ZNF263: variants seen among roughly 807,000 people sequenced by gnomAD.
The protein encoded by ZNF263 is zinc finger protein FPM315.
Under a neutral mutation model 63.1 loss-of-function variants are expected in ZNF263, and 49 were observed. The ratio of observed to expected loss-of-function variants is 0.78; its 90% CI spans 0.62 to 0.99. The LOEUF is 0.99. ZNF263 is among the 50% of genes least tolerant of loss of function. The probability of loss-of-function intolerance (pLI) is 0.00; values close to 1 mark genes in which losing one functional copy is unlikely to be tolerated. For synonymous variants in ZNF263, 352 were observed against 324.2 expected, an observed-to-expected ratio of 1.09 and a Z score of -0.92; for missense variants, 872 against 854.8, an observed-to-expected ratio of 1.02 and a Z score of -0.25.
intron 1 of ZNF263, among the ~76,000 whole-genome samples, chr16:3,297,280 C>T (rs1274907985): frequency 2.2e-5 from 3 of 133,882 alleles, no homozygotes; most frequent in Non-Finnish European, 3.1e-5. Flanking sequence ...GGTGATACAG[C>T]GAGACTCCAT....
chr16:3,291,013 G>A lies in ZNF263; in HGVS notation c.*455G>A, dbSNP rs924484059. 5 of 997,676 alleles carry A rather than the reference G, an allele frequency of 5.0e-6. No individual in the cohort carries two copies. In the African/African-American group the frequency reaches 7.0e-5, roughly 14 times the overall value. The allele number at this position is 997,676 out of a possible 1,614,324, so 61.8% of individuals were successfully genotyped here. ...GGCCAAGTACCCTGGGAAATCAGCT[G>A]AAGGTCAACAAAAGACTGGTTGTGA... On this transcript the variant is annotated 3_prime_UTR_variant, in exon 6 of 6. Transcript: ENST00000219069.
rs896835906 is a variant in ZNF263, at chr16:3,283,843, G to A, written c.25G>A (p.Glu9Lys). Residue 9 changes from glutamate to lysine, a missense_variant, in exon 1 of 6, where the codon GAA becomes AAA. By Grantham distance (56) the Glu-to-Lys change is moderately conservative. Transcript: ENST00000219069. Reference sequence around the variant, plus strand: ...GATGGCGTCGGGCCCGGGCTCCCAGGAACGGGAAGGGCTCCTGATAGTGAA... The same window carrying A: ...GATGGCGTCGGGCCCGGGCTCCCAGAAACGGGAAGGGCTCCTGATAGTGAA... MASGPGSQ[E>K]REGLLIVKLE... 3.2e-6 allele frequency: 5 copies of A among 1,584,080 alleles called. No homozygotes were observed. Among genetic ancestry groups the A allele is most frequent in the Non-Finnish European group, 4.3e-6 (5 of 1,166,968 alleles).
At chr16:3,292,027 C>A (rs1959625078), downstream of ZNF263, among the ~76,000 whole-genome samples, 1 of 152,118 alleles carries the variant, frequency 6.6e-6, no homozygotes, top group Admixed American at 6.5e-5. Context: ...CCCATCTTGG[C>A]CTCTCAAAGT....
Position 3,291,187 on chromosome 16 carries a change from G to A in ZNF263, c.*629G>A, listed in dbSNP as rs974704615. ...GACAAAAAGGAACCAGAGGCCCAAGGGCAATAATAAGGTGGAATTTGCAGG... is the reference window on the plus strand; with the variant it reads ...GACAAAAAGGAACCAGAGGCCCAAGAGCAATAATAAGGTGGAATTTGCAGG... On this transcript the variant is annotated 3_prime_UTR_variant, in exon 6 of 6. Transcript: ENST00000219069. 1.0e-5 allele frequency: 10 copies of A among 985,640 alleles called. No homozygotes were observed. Among genetic ancestry groups the A allele is most frequent in the Non-Finnish European group, 1.2e-5 (10 of 830,220 alleles). 61.1% of individuals were successfully genotyped at this position (985,640 alleles called of 1,614,324 possible). A position where few individuals can be genotyped will look rare whatever the true frequency, so the allele number is the denominator to read the frequency against.
chr16:3,289,320 C>T (rs1228594664), intron 5 of ZNF263, 73 bp from the exon 6 acceptor site: 18 of 1,463,586 alleles, frequency 1.2e-5, no homozygotes, highest in East Asian at 9.4e-5. Flanking sequence ...TAACAGGCAG[C>T]GGCAGACAGG....
At position 3,291,190 on chromosome 16, in the gene ZNF263, A is replaced by T; in HGVS notation, c.*632A>T. 1.0e-6 allele frequency: 1 copy of T among 985,768 alleles called. No individual in the cohort carries two copies. The highest frequency in any genetic ancestry group is 1.7e-5 in the African/African-American group (1 of 57,366). The allele number at this position is 985,768 out of a possible 1,614,324, so 61.1% of individuals were successfully genotyped here. ...AAAAAGGAACCAGAGGCCCAAGGGC[A>T]ATAATAAGGTGGAATTTGCAGGTCA... is the stretch of plus-strand genomic sequence containing the variant. On this transcript the variant is annotated 3_prime_UTR_variant, in exon 6 of 6. Coordinates refer to ENST00000219069, the MANE Select transcript of ZNF263 (RefSeq NM_005741.5).
At position 3,289,648 on chromosome 16, in the gene ZNF263, C is replaced by A. The variant is rs746994545; in HGVS notation, c.1142C>A (p.Pro381His). The change falls in exon 6 of 6, where the codon CCC (proline) becomes CAC (histidine). Residue 381 changes from proline to histidine, a missense_variant. Pro to His is a moderately conservative substitution (Grantham distance 77). Coordinates refer to ENST00000219069, the MANE Select transcript of ZNF263 (RefSeq NM_005741.5). ...ELQPKKLHLC[P>H]LCGKNFSNNS... ...CAGCCAAAGAAACTCCATTTATGTC[C>A]CTTGTGTGGCAAAAATTTCTCTAAC... The A allele has an allele frequency of 6.2e-7, 1 of 1,614,202 alleles. No individual in the cohort carries two copies. The highest frequency in any genetic ancestry group is 1.7e-5 in the Admixed American group (1 of 60,018).
chr16:3,286,165 C>G lies in ZNF263; in HGVS notation c.769+16C>G. On this transcript the variant is annotated intron_variant, in intron 4 of 5. Coordinates refer to ENST00000219069, the MANE Select transcript of ZNF263 (RefSeq NM_005741.5). ...GACTCACTGGGTAAGGACTTCTTTT[C>G]CAGGGATGATGACTGCGCCATTTCT... 1 of 1,579,208 alleles carries G rather than the reference C, an allele frequency of 6.3e-7. No homozygotes were observed. Among genetic ancestry groups the G allele is most frequent in the Non-Finnish European group, 8.6e-7 (1 of 1,168,234 alleles).
At chr16:3,293,575 A>C (rs188834176), downstream of ZNF263, among the ~76,000 whole-genome samples, 4 of 152,332 alleles carry the variant, frequency 2.6e-5, no homozygotes, top group East Asian at 7.7e-4. Flanking sequence ...GACAATAAGG[A>C]CCTCTAGCCT....
rs1336421528 is a variant in ZNF263 at position 3,285,719 on chromosome 16, G to A, written c.607G>A (p.Gly203Arg). 6.2e-7 allele frequency: 1 copy of A among 1,614,144 alleles called. No individual in the cohort carries two copies. Among genetic ancestry groups the A allele is most frequent in the Non-Finnish European group, 8.5e-7 (1 of 1,180,034 alleles). ...APWLSLFPPE[G>R]NMEDKEMTGP... is the part of the protein sequence containing the mutation. ...CTGGCTTTCTCTTTTTCCTCCTGAAGGGAACATGGAAGACAAGGAGATGAC... is the reference window on the plus strand; with the variant it reads ...CTGGCTTTCTCTTTTTCCTCCTGAAAGGAACATGGAAGACAAGGAGATGAC... The change falls in exon 3 of 6, where the codon GGG (glycine) becomes AGG (arginine). Residue 203 changes from glycine to arginine, a missense_variant. Coordinates refer to ENST00000219069, the MANE Select transcript of ZNF263 (RefSeq NM_005741.5).
chr16:3,297,319 C>A (rs572983078), intron 1 of ZNF263, among the ~76,000 whole-genome samples: 1 of 150,474 alleles, frequency 6.6e-6, no homozygotes, highest in East Asian at 1.9e-4. Context: ...AAGAGAAATT[C>A]ATATTAGCCA....
chr16:3,288,392 GT>G, intron 4 of ZNF263, 61 bp from the exon 5 acceptor site: 2 of 1,233,748 alleles, frequency 1.6e-6, no homozygotes, highest in Non-Finnish European at 2.4e-6. Flanking sequence ...GAACAAGACT[GT>G]TTCCCTACCC....
downstream of ZNF263, among the ~76,000 whole-genome samples, chr16:3,294,692 A>G (rs1281390116): frequency 3.3e-5 from 5 of 152,106 alleles, no homozygotes; most frequent in African/African-American, 9.7e-5. Context: ...AAAATGGTTG[A>G]GGAAAAATGA....
chr16:3,299,347 A>G (rs1435667839), intron 2 of ZNF263: 5 of 1,590,574 alleles, frequency 3.1e-6, no homozygotes, highest in Non-Finnish European at 3.4e-6. Flanking sequence ...TTTTTCAAGA[A>G]TTTCTCTATA....
chr16:3,299,150 CA>C (rs1238949830), exon 2 of ZNF263: 1 of 1,521,502 alleles, frequency 6.6e-7, no homozygotes, highest in Non-Finnish European at 8.8e-7. Flanking sequence ...TCAACAAAGT[CA>C]AGAAGGTAGT....
downstream of ZNF263, chr16:3,293,106 C>T (rs1167360041): frequency 1.3e-5 from 2 of 152,228 alleles, no homozygotes; most frequent in African/African-American, 4.8e-5. Flanking sequence ...TCTGTGTCCC[C>T]ACGCAAATCT....
At chr16:3,292,054 T>C (rs776337014), downstream of ZNF263, among the ~76,000 whole-genome samples, 2 of 152,182 alleles carry the variant, frequency 1.3e-5, no homozygotes, top group Admixed American at 6.5e-5. Flanking sequence ...ATTACTAGCA[T>C]TGCATTTTAG....
In ZNF263 at chr16:3,289,667, C is replaced by A; in HGVS notation, c.1161C>A (p.Phe387Leu). 1.9e-6 allele frequency: 3 copies of A among 1,614,226 alleles called. No individual in the cohort carries two copies. Among genetic ancestry groups the A allele is most frequent in the Non-Finnish European group, 2.5e-6 (3 of 1,180,040 alleles). Residue 387 changes from phenylalanine to leucine, a missense_variant, in exon 6 of 6, where the codon TTC (phenylalanine) becomes TTA (leucine). Phe to Leu is a conservative substitution (Grantham distance 22). Transcript: ENST00000219069. The part of the protein sequence containing the change: ...LHLCPLCGKN[F>L]SNNSNLIRHQ... ...TATGTCCCTTGTGTGGCAAAAATTT[C>A]TCTAACAACTCAAACCTAATTAGGC...
intron 1 of ZNF263, among the ~76,000 whole-genome samples, 195 bp downstream of exon 1, chr16:3,284,400 C>G (rs967176208): frequency 5.3e-5 from 8 of 152,240 alleles, no homozygotes; most frequent in Admixed American, 4.6e-4. Flanking sequence ...TGCCCTGTTT[C>G]CACGCGGAGG....
Sources: allele counts gnomAD v4.1 joint callset (sites outside exome capture counted in the v4.1 genomes callset), GRCh38; gene constraint gnomAD v4.1.1; transcripts MANE v1.5; gene names NCBI Gene and HGNC (gene_info 2026-07-23, HGNC 2026-07-21).